The following ARHGAP40 variants were observed in gnomAD, a reference collection of about 807,000 sequenced individuals.
ARHGAP40 encodes the protein Rho GTPase activating protein 40.
In ARHGAP40, 43 loss-of-function variants were observed where a neutral mutation model predicts 73.5. The observed-to-expected ratio is 0.58, with a 90% CI of 0.46 to 0.75. The LOEUF (loss-of-function observed/expected upper bound fraction) is 0.75. ARHGAP40 is among the 30% of genes least tolerant of loss of function. The probability of loss-of-function intolerance (pLI) is 0.00; values close to 1 mark genes in which losing one functional copy is unlikely to be tolerated. For synonymous variants in ARHGAP40, 300 were observed against 352.8 expected (o/e 0.85, Z 1.68); for missense variants, 734 against 861.8 (o/e 0.85, Z 1.86).
intron 1 of ARHGAP40, among the ~76,000 whole-genome samples, chr20:38,621,786 GCTCATTCCT>G (rs1467554034): frequency 6.6e-6 from 1 of 152,170 alleles, no homozygotes; most frequent in East Asian, 1.9e-4. Context: ...GGGCTCAATG[GCTCATTCCT>G]GTAATCCCAG....
At chr20:38,649,876 A>T (rs1446014381) in exon 15 of ARHGAP40, 1 of 1,285,862 alleles carries the variant, frequency 7.8e-7, no homozygotes, top group Admixed American at 2.3e-5. Context: ...AGCAGCCTGG[A>T]TGCCTCCTCC....
intron 1 of ARHGAP40, among the ~76,000 whole-genome samples, chr20:38,610,448 G>C (rs1204037424): frequency 2.0e-5 from 3 of 152,204 alleles, no homozygotes; most frequent in Non-Finnish European, 4.4e-5. Flanking sequence ...CTGAGCCAAT[G>C]TAAGAGACCC....
intron 2 of ARHGAP40, among the ~76,000 whole-genome samples, chr20:38,624,791 C>T (rs1426747561): frequency 1.3e-5 from 2 of 152,216 alleles, no homozygotes; most frequent in Non-Finnish European, 2.9e-5. Flanking sequence ...ACCCCTGCCC[C>T]ATCACTCTCT....
chr20:38,638,183 C>T lies in ARHGAP40; in HGVS notation c.1041+384C>T, dbSNP rs187624908. Among the ~76,000 whole-genome samples the T allele has an allele frequency of 3.4e-3, 519 of 151,128 alleles. 2 individuals carry two copies. Among genetic ancestry groups the T allele is most frequent in the Middle Eastern group, 0.01 (3 of 292 alleles). On this transcript the variant is annotated intron_variant, in intron 7 of 14. Coordinates refer to ENST00000373345, the Ensembl canonical transcript of ARHGAP40. ...AAAAAAAATTAGCCGGGTGTAGTGGCGGGCACCTGTAGTCCCAGCTACTTG... is the reference window on the plus strand; with the variant it reads ...AAAAAAAATTAGCCGGGTGTAGTGGTGGGCACCTGTAGTCCCAGCTACTTG...
chr20:38,605,307 C>T (rs1009178297), intron 1 of ARHGAP40, among the ~76,000 whole-genome samples: 1 of 152,180 alleles, frequency 6.6e-6, no homozygotes, highest in Non-Finnish European at 1.5e-5. Flanking sequence ...TCTCTCAGCC[C>T]TTAAGATGTC....
chr20:38,637,560 A>G, intron 6 of ARHGAP40, 148 bp from the exon 7 acceptor site: 1 of 466,370 alleles, frequency 2.1e-6, no homozygotes, highest in South Asian at 1.7e-5. Context: ...GCTCAAGAGG[A>G]GCGGTTTGGG....
chr20:38,607,356 AC>A (rs1159616023), intron 1 of ARHGAP40, among the ~76,000 whole-genome samples: 3 of 151,952 alleles, frequency 2.0e-5, no homozygotes, highest in Non-Finnish European at 2.9e-5. Flanking sequence ...CTGGTTCGAA[AC>A]CCGGAACGGC....
intron 10 of ARHGAP40, among the ~76,000 whole-genome samples, chr20:38,643,260 G>A (rs1052064037): frequency 6.6e-6 from 1 of 152,192 alleles, no homozygotes; most frequent in South Asian, 2.1e-4. Flanking sequence ...ATAGTAAGTG[G>A]TAGCTCTCAT....
intron 1 of ARHGAP40, among the ~76,000 whole-genome samples, chr20:38,614,295 C>T (rs956672991): frequency 7.9e-5 from 12 of 152,226 alleles, no homozygotes; most frequent in Non-Finnish European, 1.5e-5. Context: ...TGACTGTGCA[C>T]CCACGATTCC....
intron 1 of ARHGAP40, among the ~76,000 whole-genome samples, chr20:38,603,413 CTATCTAT>C (rs2088749445): frequency 1.6e-5 from 1 of 63,840 alleles, no homozygotes; most frequent in Non-Finnish European, 2.9e-5. Flanking sequence ...ATCTGTCTAT[CTATCTAT>C]CTATCTATCT....
chr20:38,639,458 G>A, intron 9 of ARHGAP40, 72 bp downstream of exon 9: 1 of 1,266,042 alleles, frequency 7.9e-7, no homozygotes, highest in Non-Finnish European at 1.0e-6. Context: ...GAGAGGGGAA[G>A]CCATGCAAAG....
rs537089752 is a variant in ARHGAP40, at chr20:38,601,877, T to C, written c.-66T>C. The C allele has an allele frequency of 3.3e-5, 42 of 1,284,470 alleles. 2 individuals carry two copies. In the South Asian group the frequency reaches 5.0e-4, roughly 15 times the overall value. The allele number at this position is 1,284,470 out of a possible 1,614,324, so 79.6% of individuals were successfully genotyped here. ...CCCTACCTCACTCCTCCCTCTCACA[T>C]TGCCGATCGAGTCAGCCCCACGGCG... On this transcript the variant is annotated 5_prime_UTR_variant, in exon 1 of 15. Transcript: ENST00000373345.
chr20:38,619,560 T>C (rs1465639475), intron 1 of ARHGAP40, among the ~76,000 whole-genome samples: 1 of 150,168 alleles, frequency 6.7e-6, no homozygotes, highest in Non-Finnish European at 1.5e-5. Flanking sequence ...GCACAGTGTC[T>C]ACAGTGGGGA....
intron 5 of ARHGAP40, among the ~76,000 whole-genome samples, chr20:38,632,629 T>A (rs117171806): frequency 0.011 from 1,718 of 152,282 alleles, 19 homozygotes; most frequent in Non-Finnish European, 0.016. Context: ...CATTATCTTG[T>A]CTTTTTCTTT....
chr20:38,648,274 T>C (rs2089066291), intron 13 of ARHGAP40, among the ~76,000 whole-genome samples: 1 of 152,270 alleles, frequency 6.6e-6, no homozygotes, highest in Non-Finnish European at 1.5e-5. Context: ...AATCATACAA[T>C]GTCCATAATC....
intron 5 of ARHGAP40, among the ~76,000 whole-genome samples, chr20:38,632,267 AT>A (rs35380499): frequency 0.25 from 35,341 of 139,626 alleles, 4,391 homozygotes; most frequent in Non-Finnish European, 0.3. Context: ...CCCGGCCTAA[AT>A]TTTTTTTTTT....
intron 9 of ARHGAP40, among the ~76,000 whole-genome samples, chr20:38,640,156 CT>C (rs11479328): frequency 0.016 from 2,235 of 136,692 alleles, 45 homozygotes; most frequent in African/African-American, 0.056. Flanking sequence ...TCTTCCTCTT[CT>C]TTCTTCTTTC....
exon 13 of ARHGAP40, chr20:38,647,101 G>A (rs1024877991): frequency 6.1e-6 from 8 of 1,304,958 alleles, no homozygotes; most frequent in Non-Finnish European, 8.1e-6. Context: ...AGAAGACAGT[G>A]AGGACATGGA....
chr20:38,643,257 G>A (rs920083691), intron 10 of ARHGAP40, among the ~76,000 whole-genome samples: 1 of 152,202 alleles, frequency 6.6e-6, no homozygotes, highest in Non-Finnish European at 1.5e-5. Flanking sequence ...TACATAGTAA[G>A]TGGTAGCTCT....
Sources: allele counts gnomAD v4.1 joint callset (sites outside exome capture counted in the v4.1 genomes callset), GRCh38; gene constraint gnomAD v4.1.1; transcripts MANE v1.5; gene names NCBI Gene and HGNC (gene_info 2026-07-23, HGNC 2026-07-21).